The following SMIM8 variants were observed in gnomAD, a reference collection of about 807,000 sequenced individuals.
SMIM8 encodes small integral membrane protein 8.
In SMIM8, 8 loss-of-function variants were observed where a neutral mutation model predicts 8.1. The ratio of observed to expected loss-of-function variants is 0.99; its 90% CI spans 0.58 to 1.78. SMIM8 has a LOEUF of 1.78. SMIM8 is among the 40% of genes most tolerant of loss of function. The pLI is 0.00. For missense variants in SMIM8, 126 were observed against 119.8 expected, an observed-to-expected ratio of 1.05 and a Z score of -0.24; for synonymous variants, 45 against 39.7, an observed-to-expected ratio of 1.13 and a Z score of -0.50.
In SMIM8 at chr6:87,336,093, CTTTTA is replaced by C. The variant is rs982428266; in HGVS notation, c.-23-909_-23-905del. ...TTAAGTATGAATGTTTGGCTCTTAA[CTTTTA>C]TTTTATAACATTTACTGTACAGCGA... is the stretch of plus-strand genomic sequence containing the variant. On this transcript the variant is annotated intron_variant, in intron 2 of 3. Transcript: ENST00000392863. Among the ~76,000 whole-genome samples, 33 of 152,198 alleles carry C rather than the reference CTTTTA, an allele frequency of 2.2e-4. No individual in the cohort carries two copies. In the Middle Eastern group the frequency reaches 0.014, roughly 64 times the overall value.
intron 1 of SMIM8, among the ~76,000 whole-genome samples, chr6:87,329,966 A>G (rs1372651919): frequency 1.3e-5 from 2 of 152,198 alleles, no homozygotes; most frequent in South Asian, 2.1e-4. Context: ...AATAGATAGT[A>G]TTGCTCCTTT....
In SMIM8 at chr6:87,322,599, T is replaced by C. The variant is rs543469484; in HGVS notation, c.-78T>C. On this transcript the variant is annotated 5_prime_UTR_variant, in exon 1 of 4. Coordinates refer to ENST00000392863, the MANE Select transcript of SMIM8 (RefSeq NM_001042493.3). Reference sequence around the variant, plus strand: ...CGGGGCGGCGAAGCGGGGCGGGGCGTCTCGGGCGAGGAGAGGAGGTGACCC... The same window carrying C: ...CGGGGCGGCGAAGCGGGGCGGGGCGCCTCGGGCGAGGAGAGGAGGTGACCC... 6.6e-3 allele frequency: 1,007 copies of C among 152,340 alleles called. 6 individuals are homozygous for C. Among genetic ancestry groups the C allele is most frequent in the South Asian group, 0.012 (59 of 4,820 alleles). The allele number at this position is 152,340 out of a possible 1,614,324, so 9.4% of individuals were successfully genotyped here.
intron 3 of SMIM8, 92 bp downstream of exon 3, chr6:87,337,258 A>G (rs1347216436): frequency 1.4e-6 from 2 of 1,405,122 alleles, no homozygotes. Flanking sequence ...TATCATGGAA[A>G]TTTTATGTTG....
At chr6:87,338,510 T>C (rs1233433602) in intron 3 of SMIM8, among the ~76,000 whole-genome samples, 1 of 152,192 alleles carries the variant, frequency 6.6e-6, no homozygotes, top group East Asian at 1.9e-4. Flanking sequence ...AGAGTATGAG[T>C]TATAATGTCT....
intron 1 of SMIM8, chr6:87,322,971 G>A (rs776399394): frequency 1.3e-5 from 2 of 152,188 alleles, no homozygotes; most frequent in African/African-American, 4.8e-5. Flanking sequence ...AGACTCATAG[G>A]GGAACATGGT....
In SMIM8 at chr6:87,341,530, T is replaced by C; in HGVS notation, c.*1256T>C. On this transcript the variant is annotated 3_prime_UTR_variant, in exon 4 of 4. Transcript: ENST00000392863. Reference sequence around the variant, plus strand: ...TTCTCCAAATCATTGTCATTGGGCCTCAGTAGTAAATCTTACCTCTGAAGT... The same window carrying C: ...TTCTCCAAATCATTGTCATTGGGCCCCAGTAGTAAATCTTACCTCTGAAGT... 5.3e-6 allele frequency: 2 copies of C among 377,670 alleles called. No individual in the cohort carries two copies. The highest frequency in any genetic ancestry group is 7.7e-5 in the East Asian group (2 of 26,032). The allele number at this position is 377,670 out of a possible 1,614,324, so 23.4% of individuals were successfully genotyped here. A position where few individuals can be genotyped will look rare whatever the true frequency, so the allele number is the denominator to read the frequency against.
At chr6:87,329,768 T>A (rs1213423401) in intron 1 of SMIM8, among the ~76,000 whole-genome samples, 1 of 152,114 alleles carries the variant, frequency 6.6e-6, no homozygotes, top group Non-Finnish European at 1.5e-5. Flanking sequence ...GGGCTGGTAA[T>A]TGGGAGACCT....
intron 1 of SMIM8, among the ~76,000 whole-genome samples, chr6:87,324,721 TC>T (rs1410264535): frequency 7.9e-5 from 12 of 152,050 alleles, no homozygotes; most frequent in Non-Finnish European, 1.6e-4. Context: ...CCAGCTTTGT[TC>T]TTTTGGCTTA....
chr6:87,325,273 A>G (rs1380845178), intron 1 of SMIM8, among the ~76,000 whole-genome samples: 1 of 147,982 alleles, frequency 6.8e-6, no homozygotes, highest in African/African-American at 2.6e-5. Context: ...TCTCCTGCCT[A>G]ATTGCCCTGG....
intron 2 of SMIM8, among the ~76,000 whole-genome samples, chr6:87,331,798 A>G (rs2127921555): frequency 1.3e-5 from 2 of 152,286 alleles, no homozygotes; most frequent in South Asian, 4.2e-4. Context: ...ACTGTGGCTC[A>G]TAAAGGAGAA....
rs372622818 is a variant in SMIM8, at chr6:87,340,269, G to C, written c.289G>C (p.Asp97His). Residue 97 changes from aspartate (D) to histidine (H), a missense_variant, in exon 4 of 4, where the codon GAT (aspartate) becomes CAT (histidine). Physicochemically the swap from Asp to His is moderately conservative, Grantham distance 81. Transcript: ENST00000392863. ...SYMRRKTSKW[D>H] is the part of the protein sequence containing the mutation. The stretch of plus-strand genomic sequence containing the variant: ...TATGAGGCGGAAAACATCCAAATGG[G>C]ATTAGTAGTGCTGGTTAGTGCAGAT... 2 of 1,594,344 alleles carry C rather than the reference G, an allele frequency of 1.3e-6. No individual in the cohort carries two copies. Among genetic ancestry groups the C allele is most frequent in the African/African-American group, 1.4e-5 (1 of 73,722 alleles).
At chr6:87,324,353 G>A in intron 1 of SMIM8, among the ~76,000 whole-genome samples, 1 of 152,236 alleles carries the variant, frequency 6.6e-6, no homozygotes, top group East Asian at 1.9e-4. Context: ...CCATGCCTAT[G>A]TCCTGAATGG....
chr6:87,327,517 T>C (rs1453272517), intron 1 of SMIM8, among the ~76,000 whole-genome samples: 1 of 150,068 alleles, frequency 6.7e-6, no homozygotes, highest in Non-Finnish European at 1.5e-5. Flanking sequence ...CTTATGAAGC[T>C]TAGTTTGGCT....
chr6:87,333,068 G>A (rs1023604325), intron 2 of SMIM8, among the ~76,000 whole-genome samples: 10 of 152,200 alleles, frequency 6.6e-5, no homozygotes, highest in East Asian at 1.9e-4. Flanking sequence ...TCTGCAGGCT[G>A]TACAGGAAGC....
chr6:87,328,203 T>G (rs924320624), intron 1 of SMIM8, among the ~76,000 whole-genome samples: 2 of 152,224 alleles, frequency 1.3e-5, no homozygotes, highest in African/African-American at 4.8e-5. Context: ...GGTTTGAATT[T>G]CCTCCCGTAG....
chr6:87,334,557 T>A (rs1777062891), intron 2 of SMIM8, among the ~76,000 whole-genome samples: 1 of 152,052 alleles, frequency 6.6e-6, no homozygotes, highest in African/African-American at 2.4e-5. Context: ...TTCTACCTCT[T>A]CCTCCCAAAA....
intron 3 of SMIM8, 22 bp downstream of exon 3, chr6:87,337,188 AG>A (rs766335755): frequency 6.3e-7 from 1 of 1,576,150 alleles, no homozygotes; most frequent in South Asian, 1.2e-5. Flanking sequence ...ATCCAGGATA[AG>A]ACTTTGTGTT....
chr6:87,326,969 T>C (rs1435666513), intron 1 of SMIM8, among the ~76,000 whole-genome samples: 3 of 115,828 alleles, frequency 2.6e-5, no homozygotes, highest in Admixed American at 1.6e-4. Flanking sequence ...GGTGCATATA[T>C]ATTTAGGATA....
intron 1 of SMIM8, among the ~76,000 whole-genome samples, chr6:87,325,496 A>G (rs1379742304): frequency 1.1e-5 from 1 of 89,788 alleles, no homozygotes; most frequent in Admixed American, 8.8e-5. Context: ...AATTTTGTCA[A>G]AGGCCTGTCT....
Sources: allele counts gnomAD v4.1 joint callset (sites outside exome capture counted in the v4.1 genomes callset), GRCh38; gene constraint gnomAD v4.1.1; transcripts MANE v1.5; gene names NCBI Gene and HGNC (gene_info 2026-07-23, HGNC 2026-07-21).